CPAP: variants seen among roughly 807,000 people sequenced by gnomAD.
CPAP encodes the protein centrosome assembly and centriole elongation protein.
the CPAP span, chr13:24,905,859 T>C: frequency 6.2e-7 from 1 of 1,614,250 alleles, no homozygotes; most frequent in Non-Finnish European, 8.5e-7. Flanking sequence ...TCCTCTCTGC[T>C]GCTGATGCCC....
At chr13:24,901,486 T>C in the CPAP span, among the ~76,000 whole-genome samples, 3 of 152,234 alleles carry the variant, frequency 2.0e-5, no homozygotes, top group African/African-American at 7.2e-5. Flanking sequence ...TGGACATTCT[T>C]AAAATTTATC....
chr13:24,918,465 T>C, the CPAP span, among the ~76,000 whole-genome samples: 3 of 152,326 alleles, frequency 2.0e-5, no homozygotes, highest in Admixed American at 1.3e-4. Context: ...AAGTGTAACT[T>C]TGACTTCTCC....
chr13:24,899,344 G>A, the CPAP span: 1 of 1,214,312 alleles, frequency 8.2e-7, no homozygotes, highest in Non-Finnish European at 1.2e-6. Flanking sequence ...TTTGACATAA[G>A]AAATAACTCT....
chr13:24,895,366 GA>G, the CPAP span, among the ~76,000 whole-genome samples: 2 of 152,186 alleles, frequency 1.3e-5, no homozygotes, highest in Non-Finnish European at 2.9e-5. Flanking sequence ...ACAAGGTCAG[GA>G]GATCAAGACC....
the CPAP span, chr13:24,882,927 C>T: frequency 2.0e-6 from 1 of 488,244 alleles, no homozygotes; most frequent in Admixed American, 3.4e-5. Context: ...ACTGTAAAAA[C>T]CTGTACACAA....
At chr13:24,892,328 G>A in the CPAP span, among the ~76,000 whole-genome samples, 16 of 152,296 alleles carry the variant, frequency 1.1e-4, no homozygotes, top group African/African-American at 1.7e-4. Context: ...CAAAGTACCC[G>A]TTTACAGCAA....
At chr13:24,909,653 A>AT in the CPAP span, 3 of 800,534 alleles carry the variant, frequency 3.7e-6, no homozygotes, top group Non-Finnish European at 6.1e-6. Flanking sequence ...TGCCCAGGAG[A>AT]TTGAGTCCAG....
At chr13:24,919,501 C>T in the CPAP span, among the ~76,000 whole-genome samples, 24 of 151,860 alleles carry the variant, frequency 1.6e-4, no homozygotes, top group East Asian at 4.3e-3. Flanking sequence ...CTCAGTGGAG[C>T]CTCTACCACC....
the CPAP span, among the ~76,000 whole-genome samples, chr13:24,914,928 A>T: frequency 1.3e-5 from 2 of 152,054 alleles, no homozygotes; most frequent in Admixed American, 1.3e-4. Context: ...TAAAAAAATT[A>T]GCCAGGCGTC....
chr13:24,886,469 T>C, the CPAP span: 7 of 657,958 alleles, frequency 1.1e-5, no homozygotes, highest in South Asian at 8.8e-5. Flanking sequence ...CAATTTCATA[T>C]GATTCAATGT....
chr13:24,890,275 T>C, the CPAP span, among the ~76,000 whole-genome samples: 41 of 152,336 alleles, frequency 2.7e-4, 1 homozygote, highest in South Asian at 8.3e-3. Context: ...AATTGTACTA[T>C]TCTTTCACCT....
chr13:24,920,268 T>C, the CPAP span, among the ~76,000 whole-genome samples: 1 of 152,248 alleles, frequency 6.6e-6, no homozygotes, highest in Non-Finnish European at 1.5e-5. Context: ...GTTACAATTG[T>C]TCAGTATGTA....
At chr13:24,910,826 A>G in the CPAP span, among the ~76,000 whole-genome samples, 1 of 152,234 alleles carries the variant, frequency 6.6e-6, no homozygotes, top group South Asian at 2.1e-4. Flanking sequence ...AAGCCATTCA[A>G]CTATTTTAAG....
chr13:24,884,733 A>T, the CPAP span, among the ~76,000 whole-genome samples: 1,726 of 152,278 alleles, frequency 0.011, 33 homozygotes, highest in African/African-American at 0.04. Flanking sequence ...GGAAAGTCTA[A>T]CTACTGCTTT....
chr13:24,906,507 C>T, the CPAP span: 4 of 1,614,074 alleles, frequency 2.5e-6, no homozygotes, highest in Admixed American at 1.7e-5. Context: ...CAGCCAGTAT[C>T]GCAAGGTTTT....
At chr13:24,905,553 T>C in the CPAP span, 5 of 1,614,038 alleles carry the variant, frequency 3.1e-6, no homozygotes, top group African/African-American at 1.3e-5. Context: ...CCTATTTCAT[T>C]ATTAGGGTAG....
the CPAP span, chr13:24,912,471 A>C: frequency 1.1e-6 from 1 of 903,404 alleles, no homozygotes; most frequent in Non-Finnish European, 1.7e-6. Flanking sequence ...TGGTATTCTG[A>C]GGATTTCAGA....
chr13:24,884,088 T>C, the CPAP span: 1 of 1,572,430 alleles, frequency 6.4e-7, no homozygotes, highest in South Asian at 1.1e-5. Context: ...GTTTTTCTGT[T>C]TAAAAAGTTG....
the CPAP span, among the ~76,000 whole-genome samples, chr13:24,927,020 G>A: frequency 1.3e-5 from 2 of 152,148 alleles, no homozygotes; most frequent in African/African-American, 2.4e-5. Flanking sequence ...AGAATCAATT[G>A]GCTGGGTAAA....
Sources: gnomAD v4.1 joint callset for allele counts (sites outside exome capture counted in the v4.1 genomes callset) on GRCh38, gnomAD v4.1.1 for gene constraint, MANE v1.5 for transcripts, NCBI Gene and HGNC (gene_info 2026-07-23, HGNC 2026-07-21) for gene names.